The following TMCO5A variants were observed in gnomAD, a reference collection of about 807,000 sequenced individuals.
TMCO5A encodes transmembrane and coiled-coil domains 5A, also known as transmembrane and coiled-coil domain-containing protein 5A.
A neutral mutation model predicts 42.3 loss-of-function variants in TMCO5A; 34 were observed. The ratio of observed to expected loss-of-function variants is 0.80; its 90% CI spans 0.61 to 1.07. TMCO5A has a LOEUF of 1.07. Ranked by LOEUF, TMCO5A falls within the 50% of genes least tolerant of loss-of-function variation. TMCO5A has a pLI of 0.00. For missense variants in TMCO5A, 357 were observed against 327.9 expected (o/e 1.09, Z -0.69); for synonymous variants, 131 against 115.6 (o/e 1.13, Z -0.86).
At chr15:37,992,904 C>T in the TMCO5A span, among the ~76,000 whole-genome samples, 1 of 152,090 alleles carries the variant, frequency 6.6e-6, no homozygotes, top group African/African-American at 2.4e-5. Flanking sequence ...TTTGTACTAG[C>T]TTTATTACCT....
the TMCO5A span, among the ~76,000 whole-genome samples, chr15:38,015,722 A>G: frequency 3.3e-5 from 5 of 152,202 alleles, no homozygotes; most frequent in South Asian, 2.1e-4. Flanking sequence ...TTTATTATTC[A>G]GTGATAAAAA....
chr15:38,037,868 C>T, the TMCO5A span, among the ~76,000 whole-genome samples: 1 of 151,954 alleles, frequency 6.6e-6, no homozygotes, highest in East Asian at 1.9e-4. Context: ...CAAAAATTAG[C>T]CTGGCATGGT....
the TMCO5A span, among the ~76,000 whole-genome samples, chr15:38,006,460 CAGGGGAT>C: frequency 3.9e-5 from 6 of 152,258 alleles, no homozygotes; most frequent in Non-Finnish European, 8.8e-5. Context: ...AGCTTGTTCA[CAGGGGAT>C]ACGTAAACAA....
At chr15:37,950,526 A>G (rs191271132) in intron 11 of TMCO5A, among the ~76,000 whole-genome samples, 28 of 152,332 alleles carry the variant, frequency 1.8e-4, no homozygotes, top group African/African-American at 6.7e-4. Flanking sequence ...CCTTGTAGAT[A>G]AATGGGCAAG....
At chr15:37,942,049 G>T (rs1440187369) in intron 8 of TMCO5A, 142 bp from the exon 9 acceptor site, 1 of 751,764 alleles carries the variant, frequency 1.3e-6, no homozygotes, top group African/African-American at 1.8e-5. Context: ...GTAGTAGGGG[G>T]GTGAGTTTTA....
chr15:38,014,853 T>TA, the TMCO5A span, among the ~76,000 whole-genome samples: 1 of 54,664 alleles, frequency 1.8e-5, no homozygotes, highest in Non-Finnish European at 3.3e-5. Context: ...AGGAGAAAGA[T>TA]TATATATATA....
At chr15:37,951,479 T>A (rs1890157627), downstream of TMCO5A, 1 of 437,378 alleles carries the variant, frequency 2.3e-6, no homozygotes, top group Non-Finnish European at 4.0e-6. Flanking sequence ...AATTTGACCA[T>A]TTGGGGAATT....
At chr15:37,958,282 C>T (rs1440391074) in intron 11 of TMCO5A, among the ~76,000 whole-genome samples, 9 of 152,232 alleles carry the variant, frequency 5.9e-5, no homozygotes, top group Admixed American at 2.6e-4. Flanking sequence ...GCAAAAGAAA[C>T]TATCATCAGA....
downstream of TMCO5A, among the ~76,000 whole-genome samples, chr15:37,951,860 AG>A: frequency 6.6e-6 from 1 of 152,268 alleles, no homozygotes; most frequent in South Asian, 2.1e-4. Context: ...CGGAAGAGAT[AG>A]GAAAAACAGT....
intron 11 of TMCO5A, among the ~76,000 whole-genome samples, chr15:37,964,440 T>C (rs1890508797): frequency 6.6e-6 from 1 of 152,020 alleles, no homozygotes; most frequent in Non-Finnish European, 1.5e-5. Flanking sequence ...CTTCAGAGGA[T>C]CTGTAGGTCC....
At chr15:38,022,847 G>T in the TMCO5A span, among the ~76,000 whole-genome samples, 1 of 151,794 alleles carries the variant, frequency 6.6e-6, no homozygotes, top group African/African-American at 2.4e-5. Flanking sequence ...AAATAACTAT[G>T]ATATTTTAGA....
rs751128025 is a variant in TMCO5A at position 37,947,683 on chromosome 15, T to C, written c.655T>C (p.Leu219=). Residue 219 remains leucine, a synonymous_variant, in exon 11 of 12, where the codon TTA becomes CTA. Transcript: ENST00000319669. ...TACTCCTACCCAAAAGACAGCAAGA[T>C]TATTCAGTAAAAAGTAAGTAAAATA... ...EGTPTQKTAR[L]FSKKIFCCLF... 6 of 1,600,532 alleles carry C rather than the reference T, an allele frequency of 3.7e-6. No individual in the cohort carries two copies. Among genetic ancestry groups the C allele is most frequent in the Non-Finnish European group, 4.3e-6 (5 of 1,171,346 alleles).
the TMCO5A span, among the ~76,000 whole-genome samples, chr15:38,033,103 T>C: frequency 6.6e-6 from 1 of 152,186 alleles, no homozygotes; most frequent in South Asian, 2.1e-4. Flanking sequence ...AATTTTTTTG[T>C]ATTTTCAGTA....
At chr15:37,937,289 T>C in intron 4 of TMCO5A, 57 bp from the exon 5 acceptor site, 1 of 1,589,120 alleles carries the variant, frequency 6.3e-7, no homozygotes, top group South Asian at 1.1e-5. Flanking sequence ...AGCAATCAAC[T>C]GAATAAGAAC....
chr15:38,036,301 C>T, the TMCO5A span, among the ~76,000 whole-genome samples: 2 of 152,158 alleles, frequency 1.3e-5, no homozygotes, highest in Admixed American at 1.3e-4. Flanking sequence ...ATGCTAGTCT[C>T]ATCTATACAC....
the TMCO5A span, among the ~76,000 whole-genome samples, chr15:38,019,855 C>A: frequency 4.6e-5 from 7 of 151,802 alleles, no homozygotes; most frequent in East Asian, 1.9e-4. Context: ...TTCAAGCAAT[C>A]CTCTAGCCTC....
chr15:37,980,045 G>A, the TMCO5A span, among the ~76,000 whole-genome samples: 1 of 152,168 alleles, frequency 6.6e-6, no homozygotes, highest in African/African-American at 2.4e-5. Context: ...TGAGGGCAGC[G>A]GGAGCTGGGA....
the TMCO5A span, among the ~76,000 whole-genome samples, chr15:38,022,228 T>G: frequency 1.3e-5 from 2 of 152,208 alleles, no homozygotes; most frequent in Admixed American, 1.3e-4. Context: ...AATTTATTTT[T>G]AATTACCAAA....
chr15:38,027,740 T>C, the TMCO5A span, among the ~76,000 whole-genome samples: 4 of 152,112 alleles, frequency 2.6e-5, no homozygotes, highest in South Asian at 2.1e-4. Context: ...GTGGAAATAA[T>C]TGAATCATGG....
Sources: gnomAD v4.1 joint callset for allele counts (sites outside exome capture counted in the v4.1 genomes callset) on GRCh38, gnomAD v4.1.1 for gene constraint, MANE v1.5 for transcripts, NCBI Gene and HGNC (gene_info 2026-07-23, HGNC 2026-07-21) for gene names.